SNTG1: variants seen among roughly 807,000 people sequenced by gnomAD.
SNTG1 encodes the protein syntrophin gamma 1.
A neutral mutation model predicts 74.7 loss-of-function variants in SNTG1; 39 were observed. That is an observed-to-expected ratio of 0.52 (90% CI 0.40 to 0.68). SNTG1 has a LOEUF of 0.68. SNTG1 is among the 30% of genes least tolerant of loss of function. The pLI is 0.00. For missense variants in SNTG1, 685 were observed against 609.5 expected (o/e 1.12, Z -1.30); for synonymous variants, 254 against 217.1 (o/e 1.17, Z -1.49).
chr8:50,286,207 G>T (rs1164907352), intron 2 of SNTG1, among the ~76,000 whole-genome samples: 2 of 152,108 alleles, frequency 1.3e-5, no homozygotes, highest in Non-Finnish European at 2.9e-5. Context: ...TCTGAGCAGA[G>T]GAGACCAACA....
chr8:50,639,788 G>T (rs1428537084), intron 13 of SNTG1, among the ~76,000 whole-genome samples: 1 of 151,926 alleles, frequency 6.6e-6, no homozygotes, highest in Non-Finnish European at 1.5e-5. Context: ...TTATGATTTT[G>T]TAATGTTCTT....
intron 4 of SNTG1, 55 bp downstream of exon 4, chr8:50,402,399 A>C (rs1587488146): frequency 6.5e-7 from 1 of 1,539,866 alleles, no homozygotes; most frequent in East Asian, 2.3e-5. Flanking sequence ...TGTTAATAAA[A>C]ATGTTTATTC....
intron 15 of SNTG1, among the ~76,000 whole-genome samples, chr8:50,675,389 G>A (rs912753548): frequency 1.3e-5 from 2 of 151,994 alleles, no homozygotes; most frequent in African/African-American, 4.8e-5. Context: ...TCTTCTTGTT[G>A]CATTGATCCC....
At chr8:50,393,101 T>C (rs536194377) in intron 2 of SNTG1, among the ~76,000 whole-genome samples, 2 of 152,246 alleles carry the variant, frequency 1.3e-5, no homozygotes, top group South Asian at 2.1e-4. Context: ...ATTAAGTTAG[T>C]AATAAAAATT....
intron 8 of SNTG1, among the ~76,000 whole-genome samples, chr8:50,474,443 A>C (rs564273394): frequency 4.2e-4 from 64 of 152,272 alleles, no homozygotes; most frequent in Non-Finnish European, 8.8e-4. Context: ...TCTAAAAAGA[A>C]GACATTTATG....
At chr8:50,129,117 C>A (rs557256118) in intron 1 of SNTG1, among the ~76,000 whole-genome samples, 1 of 151,974 alleles carries the variant, frequency 6.6e-6, no homozygotes, top group Non-Finnish European at 1.5e-5. Flanking sequence ...TTTATTTAGG[C>A]AACAAATATT....
intron 11 of SNTG1, among the ~76,000 whole-genome samples, chr8:50,539,244 G>T (rs977343444): frequency 3.3e-5 from 5 of 152,054 alleles, no homozygotes; most frequent in Non-Finnish European, 5.9e-5. Context: ...AATCATCCTA[G>T]ACTTTTTGGA....
intron 2 of SNTG1, among the ~76,000 whole-genome samples, chr8:50,287,537 C>T (rs955940802): frequency 6.6e-6 from 1 of 152,112 alleles, no homozygotes; most frequent in African/African-American, 2.4e-5. Context: ...CAGACCATCC[C>T]CACTTACAAA....
intron 17 of SNTG1, among the ~76,000 whole-genome samples, chr8:50,711,467 CTCTAT>C (rs1040069476): frequency 7.9e-5 from 12 of 152,080 alleles, no homozygotes; most frequent in Non-Finnish European, 1.6e-4. Context: ...AAGGGGTGGA[CTCTAT>C]TCTGGGTCAT....
rs532390256 is a variant in SNTG1, at chr8:50,369,525, G to A, written c.-27-24687G>A. On this transcript the variant is annotated intron_variant, in intron 2 of 18. Coordinates refer to ENST00000642720, the MANE Select transcript of SNTG1 (RefSeq NM_018967.5). The stretch of plus-strand genomic sequence containing the variant: ...GCAGGAAAATCGCTTGAACCCAGGA[G>A]GCAGAGGTTGCAGTGAGCTAAGATT... 5.9e-5 allele frequency among the ~76,000 whole-genome samples: 9 copies of A among 152,044 alleles called. No homozygotes were observed. The East Asian group carries it at 1.7e-3, about 29-fold the overall frequency.
chr8:50,265,448 G>C (rs745882458), intron 2 of SNTG1, among the ~76,000 whole-genome samples: 6 of 152,008 alleles, frequency 3.9e-5, no homozygotes, highest in Admixed American at 2.0e-4. Context: ...ACACTCAGGA[G>C]ACTGGACATA....
intron 1 of SNTG1, among the ~76,000 whole-genome samples, chr8:50,037,122 G>A (rs1018102145): frequency 6.6e-6 from 1 of 152,184 alleles, no homozygotes; most frequent in African/African-American, 2.4e-5. Context: ...GGCTTGCACA[G>A]TCAGTGAATT....
chr8:50,154,720 G>T (rs527445022), intron 1 of SNTG1, among the ~76,000 whole-genome samples: 45 of 152,192 alleles, frequency 3.0e-4, no homozygotes, highest in African/African-American at 1.1e-3. Context: ...TAAATCACCT[G>T]GCCTATACTG....
At chr8:50,281,889 G>A (rs1220128653) in intron 2 of SNTG1, among the ~76,000 whole-genome samples, 3 of 152,110 alleles carry the variant, frequency 2.0e-5, no homozygotes, top group South Asian at 2.1e-4. Context: ...GCAAATACAA[G>A]TTTTAAACCC....
chr8:50,574,951 G>C (rs2094568687), intron 12 of SNTG1, among the ~76,000 whole-genome samples: 1 of 152,164 alleles, frequency 6.6e-6, no homozygotes, highest in Non-Finnish European at 1.5e-5. Flanking sequence ...TATTGGTTAA[G>C]ATCACATTAA....
intron 1 of SNTG1, among the ~76,000 whole-genome samples, chr8:50,068,080 T>C (rs1191188908): frequency 1.3e-5 from 2 of 152,128 alleles, no homozygotes; most frequent in Non-Finnish European, 2.9e-5. Context: ...TGAAGAAAAG[T>C]ACAAATCTTT....
intron 8 of SNTG1, among the ~76,000 whole-genome samples, chr8:50,483,423 A>T: frequency 6.6e-6 from 1 of 150,792 alleles, no homozygotes; most frequent in Non-Finnish European, 1.5e-5. Context: ...AAATTACTGG[A>T]CTCTCAAAGA....
At chr8:50,698,148 G>T (rs1266428102) in intron 15 of SNTG1, among the ~76,000 whole-genome samples, 1 of 151,992 alleles carries the variant, frequency 6.6e-6, no homozygotes, top group Non-Finnish European at 1.5e-5. Flanking sequence ...TCTATTCATG[G>T]TTTTTATTTC....
chr8:50,384,507 C>T (rs1026617585), intron 2 of SNTG1, among the ~76,000 whole-genome samples: 16 of 152,170 alleles, frequency 1.1e-4, no homozygotes, highest in Non-Finnish European at 1.8e-4. Flanking sequence ...TGGCCCAATA[C>T]AATAAACCTG....
Sources: allele counts gnomAD v4.1 joint callset (sites outside exome capture counted in the v4.1 genomes callset), GRCh38; gene constraint gnomAD v4.1.1; transcripts MANE v1.5; gene names NCBI Gene and HGNC (gene_info 2026-07-23, HGNC 2026-07-21).